Variants in PIEZO2 observed in about 807,000 individuals in gnomAD.
The protein encoded by PIEZO2 is piezo-type mechanosensitive ion channel component 2.
A neutral mutation model predicts 337.3 loss-of-function variants in PIEZO2; 172 were observed. The ratio of observed to expected loss-of-function variants is 0.51; its 90% CI spans 0.45 to 0.58. PIEZO2 has a LOEUF of 0.58. Among genes scored for constraint, PIEZO2 ranks in the 20% least tolerant of loss-of-function variants. PIEZO2 has a pLI of 0.00. For synonymous variants in PIEZO2, 1,251 were observed against 1,228.5 expected (o/e 1.02, Z -0.38); for missense variants, 3,028 against 3,391.3 (o/e 0.89, Z 2.66).
chr18:10,979,388 C>T lies in PIEZO2; in HGVS notation c.286+147G>A, dbSNP rs912890774. The T allele has an allele frequency of 6.7e-5, 50 of 746,448 alleles. No homozygotes were observed. The East Asian group carries it at 1.5e-3, about 23-fold the overall frequency. 46.2% of individuals were successfully genotyped at this position (746,448 alleles called of 1,614,324 possible). ...CAAAGCTTCTTTATATATATTTACACTGCATTGCCAAAGACCAAAAATTTC... is the reference window on the plus strand; with the variant it reads ...CAAAGCTTCTTTATATATATTTACATTGCATTGCCAAAGACCAAAAATTTC... On this transcript the variant is annotated intron_variant, in intron 3 of 55. Transcript: ENST00000674853. This position sits in a 1 kb window ranked among gnomAD's most constrained non-coding sequence, Gnocchi z 4.0.
At chr18:10,991,050 G>A (rs2035072023) in intron 2 of PIEZO2, among the ~76,000 whole-genome samples, 1 of 151,496 alleles carries the variant, frequency 6.6e-6, no homozygotes, top group East Asian at 1.9e-4. Flanking sequence ...TATTTTCCGA[G>A]GAGATTGTAA....
rs552491893 is a variant in PIEZO2, at chr18:10,795,383, T to C, written c.1528-381A>G. Among the ~76,000 whole-genome samples, 173 of 20,588 alleles carry C rather than the reference T, an allele frequency of 8.4e-3. 3 individuals carry two copies. The highest frequency in any genetic ancestry group is 0.023 in the African/African-American group (164 of 6,992). The allele number at this position is 20,588 out of a possible 152,430, so 13.5% of individuals were successfully genotyped here. On this transcript the variant is annotated intron_variant, in intron 12 of 55. Transcript: ENST00000674853. This position sits in a 1 kb window ranked among gnomAD's most constrained non-coding sequence, Gnocchi z 4.4. ...TATTTTATTTTATTTTATTTTATTT[T>C]ATTTTATTTTATTTTATTTTATTTT...
At position 10,887,452 on chromosome 18, in the gene PIEZO2, G is replaced by T. The variant is rs532308295; in HGVS notation, c.330-16037C>A. ...AAGCCACGGAGAGATCCAGCCCTAT[G>T]ACCCAAACACCTCCCACCAGGCTCC... is the stretch of plus-strand genomic sequence containing the variant. On this transcript the variant is annotated intron_variant, in intron 4 of 55. Transcript: ENST00000674853. Among the ~76,000 whole-genome samples the T allele has an allele frequency of 5.3e-5, 8 of 152,172 alleles. No homozygotes were observed. The South Asian group carries it at 1.7e-3, about 32-fold the overall frequency.
Position 10,679,910 on chromosome 18 carries a change from G to A in PIEZO2, c.7952+289C>T, listed in dbSNP as rs689146. ...TTTTGGAATGCAAAAATAAAAAACA[G>A]CAACAACAACAAAAACCCCAAAACC... is the stretch of plus-strand genomic sequence containing the variant. On this transcript the variant is annotated intron_variant, in intron 52 of 55. Coordinates refer to ENST00000674853, the MANE Select transcript of PIEZO2 (RefSeq NM_001378183.1). Among the ~76,000 whole-genome samples the A allele has an allele frequency of 0.71, 107,584 of 151,980 alleles. 40,202 individuals carry two copies. The highest frequency in any genetic ancestry group is 0.82 in the Non-Finnish European group (55,831 of 67,982).
chr18:11,034,389 A>G (rs9953574), intron 2 of PIEZO2, among the ~76,000 whole-genome samples: 106,347 of 151,194 alleles, frequency 0.7, 37,587 homozygotes, highest in Middle Eastern at 0.76. Flanking sequence ...TCCGCCTCCC[A>G]GGTTCACGCC....
In PIEZO2 at chr18:11,125,426, G is replaced by C. The variant is rs888664332; in HGVS notation, c.64+23099C>G. On this transcript the variant is annotated intron_variant, in intron 1 of 55. Transcript: ENST00000674853. This position sits in a 1 kb window ranked among gnomAD's most constrained non-coding sequence, Gnocchi z 4.4. Reference sequence around the variant, plus strand: ...CCATTATCTGAAGATACTTGAGAAAGGAAACAAGTCATTCCTATCACATAA... The same window carrying C: ...CCATTATCTGAAGATACTTGAGAAACGAAACAAGTCATTCCTATCACATAA... Among the ~76,000 whole-genome samples, 5 of 152,168 alleles carry C rather than the reference G, an allele frequency of 3.3e-5. No individual in the cohort carries two copies. The highest frequency in any genetic ancestry group is 1.2e-4 in the African/African-American group (5 of 41,448).
chr18:11,131,587 C>T lies in PIEZO2; in HGVS notation c.64+16938G>A, dbSNP rs968499225. Among the ~76,000 whole-genome samples the T allele has an allele frequency of 6.6e-6, 1 of 152,184 alleles. No individual in the cohort carries two copies. Among genetic ancestry groups the T allele is most frequent in the African/African-American group, 2.4e-5 (1 of 41,448 alleles). ...CCAGTGGGCAGAACTTCGAGCCATG[C>T]ACCTGGCTGTGCACGTTGCATGGAA... is the stretch of plus-strand genomic sequence containing the variant. On this transcript the variant is annotated intron_variant, in intron 1 of 55. Transcript: ENST00000674853. This position sits in a 1 kb window ranked among gnomAD's most constrained non-coding sequence, Gnocchi z 5.3.
At chr18:11,119,698 T>C (rs1009803815) in intron 1 of PIEZO2, among the ~76,000 whole-genome samples, 2 of 152,082 alleles carry the variant, frequency 1.3e-5, no homozygotes, top group African/African-American at 4.8e-5. Flanking sequence ...TGAAGCTGAG[T>C]GTAGCCCTTT....
intron 4 of PIEZO2, among the ~76,000 whole-genome samples, chr18:10,896,852 C>T (rs2042915182): frequency 6.6e-6 from 1 of 152,198 alleles, no homozygotes; most frequent in African/African-American, 2.4e-5. Context: ...CTGCTCACCA[C>T]CTACTGCCAA....
Position 10,993,423 on chromosome 18 carries a change from G to A in PIEZO2, c.161-13763C>T, listed in dbSNP as rs1049023363. Among the ~76,000 whole-genome samples, 2 of 152,116 alleles carry A rather than the reference G, an allele frequency of 1.3e-5. No homozygotes were observed. Among genetic ancestry groups the A allele is most frequent in the African/African-American group, 4.8e-5 (2 of 41,438 alleles). On this transcript the variant is annotated intron_variant, in intron 2 of 55. Transcript: ENST00000674853. The surrounding 1 kb of genome is among the most constrained non-coding windows in gnomAD (Gnocchi z 5.0). The stretch of plus-strand genomic sequence containing the variant: ...TATTGAGAGTTTTTAGCATGAAGGG[G>A]TGTTGAATTTTGTTGAAAGCCTTTT...
At position 10,787,076 on chromosome 18, in the gene PIEZO2, G is replaced by A; in HGVS notation, c.2278C>T (p.Pro760Ser). 6.5e-7 allele frequency: 1 copy of A among 1,535,334 alleles called. No homozygotes were observed. Residue 760 changes from proline (P) to serine (S), a missense_variant, in exon 16 of 56, where the codon CCA becomes TCA. Pro to Ser is a moderately conservative substitution (Grantham distance 74, BLOSUM62 -1). Around this residue, in one of 5 missense-constraint regions of PIEZO2, gnomAD observed 1,925 missense variants for 2,051.9 expected, o/e 0.94. Transcript: ENST00000674853. ...CCAGTCATATTTTGCCACAGGCCTG[G>A]GAAGTTCTCAAACTGATATGTGTAT... Reference protein sequence around the residue: ...FIYTYQFENFPGLWQNMTGLK... With the variant: ...FIYTYQFENFSGLWQNMTGLK...
rs974379221 is a variant in PIEZO2, at chr18:11,028,273, T to C, written c.160+37854A>G. On this transcript the variant is annotated intron_variant, in intron 2 of 55. Transcript: ENST00000674853. This position sits in a 1 kb window ranked among gnomAD's most constrained non-coding sequence, Gnocchi z 4.8. ...TTCTTTATTTTTTATTATTTTTTTT[T>C]ATTTTTTGAGACAGAGTCACTTTGT... is the stretch of plus-strand genomic sequence containing the variant. 6.6e-6 allele frequency among the ~76,000 whole-genome samples: 1 copy of C among 151,822 alleles called. No homozygotes were observed. Among genetic ancestry groups the C allele is most frequent in the Non-Finnish European group, 1.5e-5 (1 of 68,006 alleles).
chr18:10,885,154 G>T (rs1010796453), intron 4 of PIEZO2, among the ~76,000 whole-genome samples: 3 of 152,180 alleles, frequency 2.0e-5, no homozygotes, highest in Non-Finnish European at 4.4e-5. Context: ...GCCGGGCGTG[G>T]TGGCTCACGC....
intron 21 of PIEZO2, 45 bp downstream of exon 21, chr18:10,770,103 A>G: frequency 1.3e-6 from 2 of 1,524,052 alleles, no homozygotes; most frequent in South Asian, 1.2e-5. Context: ...ATGATGACCT[A>G]CTGTGGTTCT....
At chr18:11,051,200 T>C (rs1235706272) in intron 2 of PIEZO2, among the ~76,000 whole-genome samples, 1 of 152,044 alleles carries the variant, frequency 6.6e-6, no homozygotes, top group Non-Finnish European at 1.5e-5. Flanking sequence ...CACTGTGGGG[T>C]TTTGTCCTCA....
intron 43 of PIEZO2, 159 bp downstream of exon 43, chr18:10,701,830 C>CTG: frequency 1.9e-6 from 1 of 513,334 alleles, no homozygotes; most frequent in Non-Finnish European, 3.0e-6. Flanking sequence ...TTTCTTTTCT[C>CTG]TCTCTTTTTT....
intron 7 of PIEZO2, among the ~76,000 whole-genome samples, chr18:10,811,209 C>T (rs2040176470): frequency 6.6e-6 from 1 of 152,148 alleles, no homozygotes; most frequent in Admixed American, 6.6e-5. Flanking sequence ...CCAAAGTCAC[C>T]ATCGCCGGGA....
In PIEZO2 at chr18:11,102,514, A is replaced by C. The variant is rs2039450535; in HGVS notation, c.65-36292T>G. Among the ~76,000 whole-genome samples, 1 of 152,142 alleles carries C rather than the reference A, an allele frequency of 6.6e-6. No homozygotes were observed. Among genetic ancestry groups the C allele is most frequent in the African/African-American group, 2.4e-5 (1 of 41,444 alleles). ...CTTATTCCCTTTCCTTCCCCTGCCTAGGGCAGAGCAGAGGATGGGGCTATG... is the reference window on the plus strand; with the variant it reads ...CTTATTCCCTTTCCTTCCCCTGCCTCGGGCAGAGCAGAGGATGGGGCTATG... On this transcript the variant is annotated intron_variant, in intron 1 of 55. Transcript: ENST00000674853. The surrounding 1 kb of genome is among the most constrained non-coding windows in gnomAD (Gnocchi z 5.7).
intron 4 of PIEZO2, among the ~76,000 whole-genome samples, chr18:10,905,309 G>T (rs1390680903): frequency 6.6e-6 from 1 of 152,156 alleles, no homozygotes; most frequent in African/African-American, 2.4e-5. Context: ...TTGGCCAGGC[G>T]TGGTGGTTCA....
Sources: gnomAD v4.1 joint callset for allele counts (sites outside exome capture counted in the v4.1 genomes callset) on GRCh38, gnomAD v4.1.1 for gene constraint, gnomAD v4.1.1 regional missense constraint, Gnocchi (gnomAD v3.1) non-coding constraint, MANE v1.5 for transcripts, NCBI Gene and HGNC (gene_info 2026-07-23, HGNC 2026-07-21) for gene names.